WDR7: variants seen among roughly 807,000 people sequenced by gnomAD.
WDR7 encodes the protein WD repeat domain 7, also known as WD repeat-containing protein 7.
A neutral mutation model predicts 169.4 loss-of-function variants in WDR7; 46 were observed. The observed-to-expected ratio is 0.27, with a 90% CI of 0.21 to 0.35. WDR7 has a LOEUF of 0.35. WDR7 is among the 10% of genes least tolerant of loss of function. The pLI, the probability that WDR7 is intolerant of heterozygous loss-of-function variation, is 1.00. For missense variants in WDR7, 1,534 were observed against 1,859.3 expected, an observed-to-expected ratio of 0.83 and a Z score of 3.22; for synonymous variants, 612 against 666.8, an observed-to-expected ratio of 0.92 and a Z score of 1.27.
At chr18:56,950,364 C>T (rs895241373) in intron 25 of WDR7, among the ~76,000 whole-genome samples, 3 of 152,182 alleles carry the variant, frequency 2.0e-5, no homozygotes, top group Admixed American at 6.5e-5. Context: ...AGTGCCCCTG[C>T]CTTGATTCGG....
intron 21 of WDR7, among the ~76,000 whole-genome samples, chr18:56,881,036 T>G (rs960643061): frequency 2.0e-5 from 3 of 152,232 alleles, no homozygotes; most frequent in African/African-American, 7.2e-5. Context: ...TTTTGGCCTT[T>G]AAGCAAGAGA....
intron 1 of WDR7, among the ~76,000 whole-genome samples, chr18:56,659,295 A>G (rs59265563): frequency 0.042 from 6,382 of 152,294 alleles, 403 homozygotes; most frequent in African/African-American, 0.14. Context: ...TCCAAAACAT[A>G]TAAAATCGGG....
intron 19 of WDR7, among the ~76,000 whole-genome samples, chr18:56,797,653 C>T (rs561172690): frequency 6.6e-6 from 1 of 152,058 alleles, no homozygotes; most frequent in East Asian, 1.9e-4. Flanking sequence ...GGTGATTATT[C>T]CTAGCATACT....
At chr18:56,866,781 TTA>T (rs1434627460) in intron 20 of WDR7, among the ~76,000 whole-genome samples, 2 of 152,150 alleles carry the variant, frequency 1.3e-5, no homozygotes. Flanking sequence ...CCTCTTGACT[TTA>T]TGTTCCTTTT....
At chr18:56,840,804 G>A (rs2045473705) in intron 20 of WDR7, among the ~76,000 whole-genome samples, 1 of 151,600 alleles carries the variant, frequency 6.6e-6, no homozygotes, top group Admixed American at 6.6e-5. Context: ...GGATGATAGA[G>A]TGAGATCTTG....
chr18:56,723,520 G>A (rs2026370022), intron 13 of WDR7, among the ~76,000 whole-genome samples: 3 of 152,038 alleles, frequency 2.0e-5, no homozygotes, highest in Admixed American at 1.3e-4. Context: ...GTCTTTTGCT[G>A]TCTGTACTCC....
intron 21 of WDR7, among the ~76,000 whole-genome samples, chr18:56,894,828 A>G (rs151077700): frequency 5.1e-4 from 77 of 152,184 alleles, no homozygotes; most frequent in African/African-American, 1.7e-3. Flanking sequence ...AATCTTTTTG[A>G]AAGTGTATTG....
chr18:56,949,152 C>G (rs2047146514), intron 25 of WDR7, among the ~76,000 whole-genome samples: 1 of 142,196 alleles, frequency 7.0e-6, no homozygotes, highest in Non-Finnish European at 1.5e-5. Context: ...CTCTCTCTCT[C>G]TCTTTCCCTT....
At chr18:57,010,096 ATGC>A in intron 26 of WDR7, 1 of 985,488 alleles carries the variant, frequency 1.0e-6, no homozygotes, top group Non-Finnish European at 1.2e-6. Flanking sequence ...AAGACCATTC[ATGC>A]TGCTGAGGAA....
At chr18:57,024,477 G>A (rs1333277485) in intron 27 of WDR7, among the ~76,000 whole-genome samples, 2 of 152,084 alleles carry the variant, frequency 1.3e-5, no homozygotes, top group Admixed American at 1.3e-4. Context: ...GAACATGGGG[G>A]TCTTTATCGT....
intron 26 of WDR7, among the ~76,000 whole-genome samples, chr18:57,006,691 T>C (rs1326715720): frequency 6.6e-6 from 1 of 152,200 alleles, no homozygotes; most frequent in African/African-American, 2.4e-5. Context: ...TATATAAATA[T>C]GAATTGTGTG....
chr18:56,957,453 G>T (rs2047268689), intron 25 of WDR7: 1 of 148,268 alleles, frequency 6.7e-6, no homozygotes, highest in Non-Finnish European at 1.5e-5. Flanking sequence ...AGAGGGAGAG[G>T]ATGCAGTCTG....
intron 20 of WDR7, among the ~76,000 whole-genome samples, chr18:56,822,173 T>C (rs2045110894): frequency 1.3e-5 from 2 of 152,206 alleles, no homozygotes; most frequent in African/African-American, 4.8e-5. Context: ...CACCGCATAT[T>C]CGTTCTTTAA....
At chr18:56,693,266 A>G (rs1369372540) in intron 9 of WDR7, among the ~76,000 whole-genome samples, 1 of 152,160 alleles carries the variant, frequency 6.6e-6, no homozygotes, top group African/African-American at 2.4e-5. Flanking sequence ...CTGTTCTTTA[A>G]TATTCCAGTA....
At chr18:56,796,214 A>G (rs1395766428) in intron 19 of WDR7, among the ~76,000 whole-genome samples, 1 of 152,164 alleles carries the variant, frequency 6.6e-6, no homozygotes, top group Non-Finnish European at 1.5e-5. Context: ...GTGCCACTGT[A>G]AGGGATGCCT....
chr18:56,996,748 T>C (rs2047904889), intron 26 of WDR7, among the ~76,000 whole-genome samples: 2 of 152,156 alleles, frequency 1.3e-5, no homozygotes, highest in South Asian at 4.1e-4. Context: ...CAGCTTTCAA[T>C]CAGTACAAAA....
intron 20 of WDR7, among the ~76,000 whole-genome samples, chr18:56,874,667 A>G (rs942506162): frequency 1.3e-5 from 2 of 152,152 alleles, no homozygotes; most frequent in African/African-American, 4.8e-5. Context: ...GTGAGCAATT[A>G]GAATAGTTTT....
intron 19 of WDR7, among the ~76,000 whole-genome samples, chr18:56,806,817 T>G (rs2044780930): frequency 6.6e-6 from 1 of 152,132 alleles, no homozygotes; most frequent in African/African-American, 2.4e-5. Flanking sequence ...GAGTGTTTAG[T>G]ATAATGAGGG....
intron 21 of WDR7, among the ~76,000 whole-genome samples, chr18:56,907,410 G>A (rs772246373): frequency 2.6e-5 from 4 of 152,102 alleles, no homozygotes; most frequent in Non-Finnish European, 4.4e-5. Context: ...AGGGAATGCC[G>A]GTTTTTGAGA....
Sources: allele counts gnomAD v4.1 joint callset (sites outside exome capture counted in the v4.1 genomes callset), GRCh38; gene constraint gnomAD v4.1.1; transcripts MANE v1.5; gene names NCBI Gene and HGNC (gene_info 2026-07-23, HGNC 2026-07-21).